CADM1: variants seen among roughly 807,000 people sequenced by gnomAD.
The protein encoded by CADM1 is cell adhesion molecule 1.
A neutral mutation model predicts 53.1 loss-of-function variants in CADM1; 15 were observed. The observed-to-expected ratio is 0.28, with a 90% CI of 0.19 to 0.44. The LOEUF (loss-of-function observed/expected upper bound fraction) is 0.44. Ranked by LOEUF, CADM1 falls within the 20% of genes least tolerant of loss-of-function variation. CADM1 has a pLI of 1.00. For synonymous variants in CADM1, 281 were observed against 243.0 expected (o/e 1.16, Z -1.45); for missense variants, 434 against 611.3 (o/e 0.71, Z 3.06).
intron 1 of CADM1, among the ~76,000 whole-genome samples, chr11:115,355,670 C>A (rs930246387): frequency 6.6e-6 from 1 of 151,482 alleles, no homozygotes; most frequent in African/African-American, 2.4e-5. Flanking sequence ...ACCTACAAAT[C>A]AAAAACTAAA....
intron 1 of CADM1, among the ~76,000 whole-genome samples, chr11:115,481,638 A>G (rs945903865): frequency 2.6e-5 from 4 of 152,128 alleles, no homozygotes; most frequent in South Asian, 2.1e-4. Context: ...TTTAATCCCA[A>G]CACTGTCTGC....
intron 1 of CADM1, among the ~76,000 whole-genome samples, chr11:115,348,625 G>A (rs1229612724): frequency 1.3e-5 from 2 of 152,040 alleles, no homozygotes; most frequent in African/African-American, 2.4e-5. Flanking sequence ...CTGTGTAGAG[G>A]AGTATCAAAC....
chr11:115,308,139 CTCTG>C (rs1202752518), intron 1 of CADM1, among the ~76,000 whole-genome samples: 2,106 of 120,636 alleles, frequency 0.017, 92 homozygotes, highest in Admixed American at 0.11. Flanking sequence ...CAAACTCTCT[CTCTG>C]TGTGTGTGTG....
intron 1 of CADM1, among the ~76,000 whole-genome samples, chr11:115,343,799 C>A (rs1306697546): frequency 6.6e-6 from 1 of 151,420 alleles, no homozygotes; most frequent in African/African-American, 2.4e-5. Flanking sequence ...TCAGGCCCAA[C>A]CATGCTACCT....
chr11:115,490,217 T>G (rs553501641), intron 1 of CADM1, among the ~76,000 whole-genome samples: 3 of 152,108 alleles, frequency 2.0e-5, no homozygotes, highest in Non-Finnish European at 4.4e-5. Flanking sequence ...GTAAGTCTAC[T>G]TTCCTCGTCT....
At position 115,174,822 on chromosome 11, in the gene CADM1, C is replaced by A; in HGVS notation, c.*1652G>T. On this transcript the variant is annotated 3_prime_UTR_variant, in exon 12 of 12. Transcript: ENST00000331581. ...CTGTTAGCTGGAGTCTGGAGTCTTACCAAACATATGGTAAGAGTTTAGTTT... is the reference window on the plus strand; with the variant it reads ...CTGTTAGCTGGAGTCTGGAGTCTTAACAAACATATGGTAAGAGTTTAGTTT... The A allele has an allele frequency of 1.0e-6, 1 of 984,132 alleles. No individual in the cohort carries two copies. The highest frequency in any genetic ancestry group is 1.2e-6 in the Non-Finnish European group (1 of 828,692). The allele number at this position is 984,132 out of a possible 1,614,324, so 61.0% of individuals were successfully genotyped here. A position where few individuals can be genotyped will look rare whatever the true frequency, so the allele number is the denominator to read the frequency against.
intron 1 of CADM1, among the ~76,000 whole-genome samples, chr11:115,414,411 T>C (rs928733114): frequency 6.6e-6 from 1 of 152,150 alleles, no homozygotes; most frequent in Non-Finnish European, 1.5e-5. Context: ...CAACAGTCTA[T>C]CTCTGTCCAC....
chr11:115,387,779 C>A (rs1379102537), intron 1 of CADM1, among the ~76,000 whole-genome samples: 3 of 151,936 alleles, frequency 2.0e-5, no homozygotes, highest in African/African-American at 7.2e-5. Flanking sequence ...TGTGTATGCA[C>A]ACATGCATGT....
chr11:115,496,538 C>A (rs1949618019), intron 1 of CADM1, among the ~76,000 whole-genome samples: 1 of 152,096 alleles, frequency 6.6e-6, no homozygotes. Context: ...TGAGGAAGAA[C>A]AACCTAAAGA....
At chr11:115,415,634 C>T (rs540687660) in intron 1 of CADM1, among the ~76,000 whole-genome samples, 11 of 151,802 alleles carry the variant, frequency 7.2e-5, no homozygotes, top group African/African-American at 1.7e-4. Flanking sequence ...GTCAGGAGTT[C>T]GAGACCAGCC....
At chr11:115,188,743 T>C (rs1056054213) in intron 10 of CADM1, among the ~76,000 whole-genome samples, 3 of 152,220 alleles carry the variant, frequency 2.0e-5, no homozygotes, top group Non-Finnish European at 4.4e-5. Context: ...TGTATTATAA[T>C]TGAATTCAGT....
chr11:115,288,947 C>T (rs1943802846), intron 1 of CADM1, among the ~76,000 whole-genome samples: 1 of 152,168 alleles, frequency 6.6e-6, no homozygotes. Flanking sequence ...CCTCCTCCCT[C>T]CTGTTCCTGT....
At chr11:115,377,088 A>T (rs976261670) in intron 1 of CADM1, 1 of 152,182 alleles carries the variant, frequency 6.6e-6, no homozygotes, top group East Asian at 1.9e-4. Context: ...ACATACAGGT[A>T]ATTGCATAGC....
At chr11:115,452,537 C>T (rs978223583) in intron 1 of CADM1, among the ~76,000 whole-genome samples, 1 of 152,126 alleles carries the variant, frequency 6.6e-6, no homozygotes, top group African/African-American at 2.4e-5. Flanking sequence ...AAATGTCATT[C>T]GGACCAGAGA....
At chr11:115,498,937 G>A (rs1161911407) in intron 1 of CADM1, among the ~76,000 whole-genome samples, 1 of 152,066 alleles carries the variant, frequency 6.6e-6, no homozygotes, top group Admixed American at 6.5e-5. Flanking sequence ...AGCGACCAGG[G>A]GTGGATAATT....
chr11:115,401,622 C>A lies in CADM1; in HGVS notation c.124+102649G>T, dbSNP rs147751927. On this transcript the variant is annotated intron_variant, in intron 1 of 11. Transcript: ENST00000331581. The stretch of plus-strand genomic sequence containing the variant: ...GATTCCATCTCAGCAACAACAACAA[C>A]AAAAAGATCAGGGGTTGCCAGGGAT... Among the ~76,000 whole-genome samples the A allele has an allele frequency of 5.8e-3, 875 of 151,614 alleles. 5 individuals are homozygous for A. The highest frequency in any genetic ancestry group is 0.034 in the Middle Eastern group (10 of 290).
intron 1 of CADM1, among the ~76,000 whole-genome samples, chr11:115,444,507 C>T (rs1948403849): frequency 6.6e-6 from 1 of 152,112 alleles, no homozygotes; most frequent in Non-Finnish European, 1.5e-5. Flanking sequence ...TTACGTCTAC[C>T]AAGCCAATCT....
intron 1 of CADM1, among the ~76,000 whole-genome samples, chr11:115,427,958 A>G (rs1947934442): frequency 6.7e-6 from 1 of 149,016 alleles, no homozygotes; most frequent in Admixed American, 6.8e-5. Flanking sequence ...GTGAATCAAG[A>G]TCATGCCACT....
chr11:115,389,710 A>G (rs140684948), intron 1 of CADM1, among the ~76,000 whole-genome samples: 7 of 152,194 alleles, frequency 4.6e-5, no homozygotes, highest in Non-Finnish European at 4.4e-5. Flanking sequence ...CTATAAAGAA[A>G]TCCAAGAAAC....
Sources: gnomAD v4.1 joint callset for allele counts (sites outside exome capture counted in the v4.1 genomes callset) on GRCh38, gnomAD v4.1.1 for gene constraint, MANE v1.5 for transcripts, NCBI Gene and HGNC (gene_info 2026-07-23, HGNC 2026-07-21) for gene names.